The following SHISA9 variants were observed in gnomAD, a reference collection of about 807,000 sequenced individuals.
SHISA9 encodes the protein protein shisa-9.
Under a neutral mutation model 38.0 loss-of-function variants are expected in SHISA9, and 13 were observed. The ratio of observed to expected loss-of-function variants is 0.34; its 90% confidence interval spans 0.22 to 0.54. The LOEUF is 0.54. SHISA9 is among the 20% of genes least tolerant of loss of function. SHISA9 has a pLI of 0.91. For synonymous variants in SHISA9, 275 were observed against 242.0 expected (o/e 1.14, Z -1.27); for missense variants, 538 against 575.8 (o/e 0.93, Z 0.67).
chr16:13,305,906 A>G, the SHISA9 span, among the ~76,000 whole-genome samples: 2 of 152,238 alleles, frequency 1.3e-5, no homozygotes, highest in African/African-American at 4.8e-5. Flanking sequence ...AATCATACAT[A>G]TCCTTTGCTA....
intron 2 of SHISA9, among the ~76,000 whole-genome samples, chr16:12,940,483 G>C (rs1017714486): frequency 2.0e-5 from 3 of 150,990 alleles, no homozygotes; most frequent in African/African-American, 7.3e-5. Context: ...ATCTAAGAAA[G>C]TTTAAATGTC....
chr16:13,555,207 G>C, the SHISA9 span, among the ~76,000 whole-genome samples: 1 of 152,296 alleles, frequency 6.6e-6, no homozygotes, highest in East Asian at 1.9e-4. Flanking sequence ...TTAGTACAGT[G>C]CTTGGTTATC....
chr16:13,260,434 G>C, the SHISA9 span, among the ~76,000 whole-genome samples: 1 of 152,142 alleles, frequency 6.6e-6, no homozygotes, highest in Non-Finnish European at 1.5e-5. Flanking sequence ...ATGCTTTGCT[G>C]CTTAGAAATT....
At chr16:12,995,683 C>A (rs1409347446) in intron 2 of SHISA9, among the ~76,000 whole-genome samples, 4 of 152,186 alleles carry the variant, frequency 2.6e-5, no homozygotes, top group Non-Finnish European at 1.5e-5. Context: ...AATCCTACAA[C>A]AGAAAGATTT....
At chr16:13,031,813 G>A (rs1000137717) in intron 2 of SHISA9, among the ~76,000 whole-genome samples, 22 of 152,182 alleles carry the variant, frequency 1.4e-4, no homozygotes, top group Non-Finnish European at 3.2e-4. Context: ...TGAGCATAAT[G>A]TGAATTTCAC....
intron 2 of SHISA9, among the ~76,000 whole-genome samples, chr16:13,134,861 C>G (rs2141990263): frequency 6.6e-6 from 1 of 152,264 alleles, no homozygotes; most frequent in South Asian, 2.1e-4. Context: ...ACTCAGGAAT[C>G]TATGCTGAAG....
chr16:13,040,754 A>G (rs963101132), intron 2 of SHISA9, among the ~76,000 whole-genome samples: 15 of 152,210 alleles, frequency 9.9e-5, no homozygotes, highest in African/African-American at 3.6e-4. Flanking sequence ...CTTTCTTCCT[A>G]TCCTGCTAAG....
At chr16:13,550,156 G>T in the SHISA9 span, among the ~76,000 whole-genome samples, 3 of 152,142 alleles carry the variant, frequency 2.0e-5, no homozygotes, top group Non-Finnish European at 2.9e-5. Context: ...CAGGAGAGAG[G>T]TTGGAACAGT....
intron 2 of SHISA9, among the ~76,000 whole-genome samples, chr16:12,987,737 C>T (rs1326213101): frequency 1.3e-5 from 2 of 152,140 alleles, no homozygotes; most frequent in Non-Finnish European, 2.9e-5. Context: ...TATCCCAGAA[C>T]TTAAATAAAC....
intron 2 of SHISA9, among the ~76,000 whole-genome samples, chr16:13,120,099 C>T (rs571738926): frequency 9.9e-5 from 15 of 151,620 alleles, no homozygotes; most frequent in Non-Finnish European, 1.2e-4. Flanking sequence ...CAGCTGGTCA[C>T]GAGAGGAAGG....
intron 2 of SHISA9, among the ~76,000 whole-genome samples, chr16:13,178,370 T>C (rs996340709): frequency 5.9e-5 from 9 of 151,658 alleles, no homozygotes; most frequent in African/African-American, 2.2e-4. Flanking sequence ...TTAATGGGAC[T>C]GAAAGAGTCT....
chr16:12,908,303 G>C lies in SHISA9; in HGVS notation c.563+5676G>C, dbSNP rs182606109. Among the ~76,000 whole-genome samples, 383 of 152,294 alleles carry C rather than the reference G, an allele frequency of 2.5e-3. 1 individual carries two copies. The highest frequency in any genetic ancestry group is 8.7e-3 in the African/African-American group (361 of 41,560). On this transcript the variant is annotated intron_variant, in intron 1 of 4. Transcript: ENST00000558583. ...CCTCTCTGGACTTGCATTTGAATCT[G>C]AGTGGGAGGGGCTGGCAGGTGCAGA...
At chr16:13,251,097 G>T in the SHISA9 span, among the ~76,000 whole-genome samples, 1 of 152,216 alleles carries the variant, frequency 6.6e-6, no homozygotes, top group African/African-American at 2.4e-5. Context: ...CTTCCTGCAG[G>T]ATTTCTGTGA....
the SHISA9 span, among the ~76,000 whole-genome samples, chr16:13,370,314 G>A: frequency 6.6e-6 from 1 of 152,142 alleles, no homozygotes; most frequent in Non-Finnish European, 1.5e-5. Context: ...AGAGTCAATG[G>A]CCCTTAAGGA....
the SHISA9 span, among the ~76,000 whole-genome samples, chr16:13,518,623 C>A: frequency 6.6e-6 from 1 of 152,176 alleles, no homozygotes; most frequent in Non-Finnish European, 1.5e-5. Flanking sequence ...ACTTCAGCTG[C>A]TTCTTCCTCT....
the SHISA9 span, among the ~76,000 whole-genome samples, chr16:13,471,969 G>A: frequency 1.3e-5 from 2 of 152,218 alleles, no homozygotes; most frequent in Non-Finnish European, 2.9e-5. Context: ...AAGGGTCAGT[G>A]AGTGACCCAA....
chr16:13,455,013 C>CTT, the SHISA9 span, among the ~76,000 whole-genome samples: 6 of 150,620 alleles, frequency 4.0e-5, no homozygotes, highest in African/African-American at 1.2e-4. Flanking sequence ...CAGCTACCTT[C>CTT]TTTTTTTTTT....
At chr16:13,258,912 C>A in the SHISA9 span, among the ~76,000 whole-genome samples, 25 of 152,154 alleles carry the variant, frequency 1.6e-4, no homozygotes, top group Admixed American at 1.6e-3. Context: ...TATCATTCCA[C>A]CCCTGGCCCC....
intron 2 of SHISA9, among the ~76,000 whole-genome samples, chr16:13,182,562 G>C (rs531585029): frequency 6.6e-6 from 1 of 152,316 alleles, no homozygotes; most frequent in South Asian, 2.1e-4. Context: ...TCAGGTTAAA[G>C]TTCATCTCAT....
Sources: gnomAD v4.1 joint callset for allele counts (sites outside exome capture counted in the v4.1 genomes callset) on GRCh38, gnomAD v4.1.1 for gene constraint, MANE v1.5 for transcripts, NCBI Gene and HGNC (gene_info 2026-07-23, HGNC 2026-07-21) for gene names.